Variants in HIC2 observed in about 807,000 individuals in gnomAD.
HIC2 encodes HIC ZBTB transcriptional repressor 2, also known as hypermethylated in cancer 2 protein.
HIC2 carries 2 observed loss-of-function variants against 39.5 expected under a neutral mutation model. The ratio of observed to expected loss-of-function variants is 0.05; its 90% CI spans 0.02 to 0.16. The LOEUF is 0.16. Ranked by LOEUF, HIC2 falls within the 10% of genes least tolerant of loss-of-function variation. The pLI is 1.00. For missense variants in HIC2, 713 were observed against 863.5 expected (o/e 0.83, Z 2.18); for synonymous variants, 399 against 368.8 (o/e 1.08, Z -0.94).
chr22:21,446,002 C>G lies in HIC2; in HGVS notation c.1107C>G (p.Val369=), dbSNP rs558683573. Residue 369 remains valine (V), a synonymous_variant, in exon 3 of 3, where the codon GTC becomes GTG. Coordinates refer to ENST00000407464, the MANE Select transcript of HIC2 (RefSeq NM_015094.3). ...GCCCGGGAGAGGAGGGTGAGGGGGTCGGGGACAGGGTTCCCAATGGCATCC... is the reference window on the plus strand; with the variant it reads ...GCCCGGGAGAGGAGGGTGAGGGGGTGGGGGACAGGGTTCCCAATGGCATCC... ...GPCPGEEGEG[V]GDRVPNGILA... The G allele has an allele frequency of 6.4e-7, 1 of 1,570,214 alleles. No individual in the cohort carries two copies. Among genetic ancestry groups the G allele is most frequent in the Non-Finnish European group, 8.6e-7 (1 of 1,159,768 alleles).
intron 1 of HIC2, among the ~76,000 whole-genome samples, chr22:21,426,561 C>T (rs1470581405): frequency 2.2e-5 from 3 of 138,726 alleles, no homozygotes; most frequent in East Asian, 5.2e-4. Context: ...CTCTGCTTCC[C>T]GGGTTCAAGC....
rs770942065 is a variant in HIC2, at chr22:21,445,438, G to A, written c.543G>A (p.Gly181=). The A allele has an allele frequency of 6.5e-7, 1 of 1,531,590 alleles. No homozygotes were observed. The highest frequency in any genetic ancestry group is 8.7e-7 in the Non-Finnish European group (1 of 1,145,218). 94.9% of individuals were successfully genotyped at this position (1,531,590 alleles called of 1,614,324 possible). ...IQARYQGLVD[G]RKGAHAPQEL... is the part of the protein sequence containing the mutation. ...CTCGGTATCAGGGGCTCGTGGATGG[G>A]CGCAAGGGGGCCCACGCCCCCCAGG... The change falls in exon 3 of 3, where the codon GGG becomes GGA. Residue 181 remains glycine (G), a synonymous_variant. Coordinates refer to ENST00000407464, the MANE Select transcript of HIC2 (RefSeq NM_015094.3).
chr22:21,444,961 C>T lies in HIC2; in HGVS notation c.66C>T (p.Asp22=), dbSNP rs778548361. 9 of 1,613,392 alleles carry T rather than the reference C, an allele frequency of 5.6e-6. No homozygotes were observed. The highest frequency in any genetic ancestry group is 3.3e-5 in the Admixed American group (2 of 60,026). The stretch of plus-strand genomic sequence containing the variant: ...CAGGGCGCGGGGACATGGGGCCCGA[C>T]ATGGAGCTGCCCAGCCACTCGAAGC... ...AWAGRGDMGP[D]MELPSHSKQL... The change falls in exon 3 of 3, where the codon GAC becomes GAT. Residue 22 remains aspartate, a synonymous_variant. Coordinates refer to ENST00000407464, the MANE Select transcript of HIC2 (RefSeq NM_015094.3).
At chr22:21,443,134 C>G (rs911311267) in intron 2 of HIC2, among the ~76,000 whole-genome samples, 1 of 152,170 alleles carries the variant, frequency 6.6e-6, no homozygotes, top group Admixed American at 6.5e-5. Flanking sequence ...CTTGGGGGCT[C>G]TTTGTCCCTG....
chr22:21,443,498 G>A (rs534584034), intron 2 of HIC2, among the ~76,000 whole-genome samples: 2 of 152,244 alleles, frequency 1.3e-5, no homozygotes, highest in African/African-American at 4.8e-5. Flanking sequence ...TGGACACTCT[G>A]GGAGGGGCAG....
chr22:21,444,344 AG>A (rs1465906017), intron 2 of HIC2, among the ~76,000 whole-genome samples: 1 of 152,226 alleles, frequency 6.6e-6, no homozygotes, highest in Non-Finnish European at 1.5e-5. Flanking sequence ...GAGGCAGCCC[AG>A]GGCCTTGGGG....
At chr22:21,443,286 C>T (rs1923620373) in intron 2 of HIC2, among the ~76,000 whole-genome samples, 1 of 152,198 alleles carries the variant, frequency 6.6e-6, no homozygotes, top group African/African-American at 2.4e-5. Flanking sequence ...TGCTGTTAGG[C>T]TCTGAGTGCC....
chr22:21,443,070 G>A (rs1034118871), intron 2 of HIC2, among the ~76,000 whole-genome samples: 10 of 152,216 alleles, frequency 6.6e-5, no homozygotes, highest in Admixed American at 3.3e-4. Context: ...TGGCAGAGCC[G>A]GCACTGATGT....
rs1017400007 is a variant in HIC2, at chr22:21,448,572, T to C, written c.*1829T>C. ...CTCTCTTTTCATTCTATTTTAAGTT[T>C]AGACCAAAAAAATACAGAGTCATCC... On this transcript the variant is annotated 3_prime_UTR_variant, in exon 3 of 3. Coordinates refer to ENST00000407464, the MANE Select transcript of HIC2 (RefSeq NM_015094.3). The C allele has an allele frequency of 3.3e-5, 5 of 152,712 alleles. No homozygotes were observed. The highest frequency in any genetic ancestry group is 1.3e-4 in the Admixed American group (2 of 15,274). The allele number at this position is 152,712 out of a possible 1,614,324, so 9.5% of individuals were successfully genotyped here.
Position 21,445,659 on chromosome 22 carries a change from C to T in HIC2, c.764C>T (p.Pro255Leu), listed in dbSNP as rs1427050861. Residue 255 changes from proline (P) to leucine (L), a missense_variant, in exon 3 of 3, where the codon CCC (proline) becomes CTC (leucine). This residue lies in a region of HIC2 where 457 missense variants were observed against 420.2 expected (regional missense o/e 1.09). Transcript: ENST00000407464. ...LGLDLSKKSPPLPPATPGPHL... is the reference protein window; with the variant it reads ...LGLDLSKKSPLLPPATPGPHL... ...TTGGACCTGTCCAAGAAAAGCCCAC[C>T]CTTGCCCCCTGCCACCCCAGGTCCC... The T allele has an allele frequency of 2.5e-6, 4 of 1,604,874 alleles. No individual in the cohort carries two copies. Among genetic ancestry groups the T allele is most frequent in the Non-Finnish European group, 3.4e-6 (4 of 1,176,428 alleles).
chr22:21,432,676 CAAAAAAAA>C (rs1262490002), intron 1 of HIC2, among the ~76,000 whole-genome samples: 6 of 71,502 alleles, frequency 8.4e-5, no homozygotes, highest in African/African-American at 2.7e-4. Context: ...AACTCTGTCT[CAAAAAAAA>C]AAAAAAAAAA....
chr22:21,417,430 C>T lies in HIC2; in HGVS notation c.-204C>T, dbSNP rs1329298756. The T allele has an allele frequency of 9.5e-5, 13 of 136,168 alleles. No homozygotes were observed. Among genetic ancestry groups the T allele is most frequent in the Non-Finnish European group, 1.6e-4 (10 of 63,288 alleles). 8.4% of individuals were successfully genotyped at this position (136,168 alleles called of 1,614,324 possible). On this transcript the variant is annotated 5_prime_UTR_variant, in exon 1 of 3. Transcript: ENST00000407464. ...TGAGCGGCGCTCGGGGCGCGCTAGG[C>T]GGGGAGCCGAGCCGGGCTGGCGGCA... is the stretch of plus-strand genomic sequence containing the variant.
chr22:21,446,901 A>C lies in HIC2; in HGVS notation c.*158A>C. On this transcript the variant is annotated 3_prime_UTR_variant, in exon 3 of 3. Coordinates refer to ENST00000407464, the MANE Select transcript of HIC2 (RefSeq NM_015094.3). ...CTGCCCACACCCAGAGCTTTAATGGACAGTCCGTACCAAGCAGAGCCGAGA... is the reference window on the plus strand; with the variant it reads ...CTGCCCACACCCAGAGCTTTAATGGCCAGTCCGTACCAAGCAGAGCCGAGA... 1 of 1,019,634 alleles carries C rather than the reference A, an allele frequency of 9.8e-7. No individual in the cohort carries two copies. The allele number at this position is 1,019,634 out of a possible 1,614,324, so 63.2% of individuals were successfully genotyped here.
At chr22:21,426,337 ATTTTTTT>A (rs1228128162) in intron 1 of HIC2, among the ~76,000 whole-genome samples, 87 of 48,198 alleles carry the variant, frequency 1.8e-3, no homozygotes, top group African/African-American at 7.8e-3. Flanking sequence ...ACAGCCAGCT[ATTTTTTT>A]TTTTTTTTTT....
intron 1 of HIC2, among the ~76,000 whole-genome samples, chr22:21,425,938 C>G (rs1244758230): frequency 2.6e-5 from 4 of 151,842 alleles, no homozygotes; most frequent in Non-Finnish European, 5.9e-5. Flanking sequence ...TCTCGAACTT[C>G]TGACCTCGTG....
Position 21,417,405 on chromosome 22 carries a change from TGAGCGGCGCTCGGGGCGCGCTAGGCGGG to T in HIC2, c.-224_-197del, listed in dbSNP as rs1922903412. ...CAAGATGGCGCTGGGCGGGCGGCTG[TGAGCGGCGCTCGGGGCGCGCTAGGCGGG>T]GAGCCGAGCCGGGCTGGCGGCAGGC... On this transcript the variant is annotated 5_prime_UTR_variant, in exon 1 of 3. Coordinates refer to ENST00000407464, the MANE Select transcript of HIC2 (RefSeq NM_015094.3). 1 of 144,408 alleles carries T rather than the reference TGAGCGGCGCTCGGGGCGCGCTAGGCGGG, an allele frequency of 6.9e-6. No homozygotes were observed. Among genetic ancestry groups the T allele is most frequent in the Non-Finnish European group, 1.5e-5 (1 of 65,450 alleles). The allele number at this position is 144,408 out of a possible 1,614,324, so 8.9% of individuals were successfully genotyped here.
rs769377213 is a variant in HIC2, at chr22:21,445,708, C to T, written c.813C>T (p.Ala271=). 5 of 1,612,258 alleles carry T rather than the reference C, an allele frequency of 3.1e-6. No homozygotes were observed. Among genetic ancestry groups the T allele is most frequent in the Non-Finnish European group, 4.2e-6 (5 of 1,179,756 alleles). ...CCCACCTCACTCCCGATGACGCAGC[C>T]CAGCTGAGCGACAGCCAACATGGCT... ...PGPHLTPDDA[A]QLSDSQHGSP... Residue 271 remains alanine, a synonymous_variant, in exon 3 of 3, where the codon GCC becomes GCT. Transcript: ENST00000407464.
rs1236969818 is a variant in HIC2 at position 21,450,245 on chromosome 22, G to C, written c.*3502G>C. On this transcript the variant is annotated 3_prime_UTR_variant, in exon 3 of 3. Coordinates refer to ENST00000407464, the MANE Select transcript of HIC2 (RefSeq NM_015094.3). ...CAGGATTGCAAAAAAAAAAGGAAGA[G>C]AAAAGATGAACCTTTAAGCAAATAA... is the stretch of plus-strand genomic sequence containing the variant. 1 of 152,324 alleles carries C rather than the reference G, an allele frequency of 6.6e-6. No individual in the cohort carries two copies. The highest frequency in any genetic ancestry group is 2.4e-5 in the African/African-American group (1 of 41,266). The allele number at this position is 152,324 out of a possible 1,614,324, so 9.4% of individuals were successfully genotyped here.
intron 2 of HIC2, 79 bp from the exon 3 acceptor site, chr22:21,444,843 G>T (rs183419647): frequency 6.0e-6 from 9 of 1,507,236 alleles, no homozygotes; most frequent in Admixed American, 1.9e-5. Context: ...CCTTTGCCTC[G>T]TCGAGCCCCA....
Sources: gnomAD v4.1 joint callset for allele counts (sites outside exome capture counted in the v4.1 genomes callset) on GRCh38, gnomAD v4.1.1 for gene constraint, gnomAD v4.1.1 regional missense constraint, MANE v1.5 for transcripts, NCBI Gene and HGNC (gene_info 2026-07-23, HGNC 2026-07-21) for gene names.